Variants in GRID2 observed in about 807,000 individuals in gnomAD.
The protein encoded by GRID2 is glutamate ionotropic receptor delta type subunit 2, also known as glutamate receptor ionotropic, delta-2.
In GRID2, 33 loss-of-function variants were observed where a neutral mutation model predicts 114.8. The observed-to-expected ratio is 0.29, with a 90% confidence interval of 0.22 to 0.38. The LOEUF is 0.38. Ranked by LOEUF, GRID2 falls within the 10% of genes least tolerant of loss-of-function variation. The probability of loss-of-function intolerance (pLI) is 1.00; values close to 1 mark genes in which losing one functional copy is unlikely to be tolerated. For synonymous variants in GRID2, 505 were observed against 449.9 expected (o/e 1.12, Z -1.55); for missense variants, 1,184 against 1,257.7 (o/e 0.94, Z 0.89).
chr4:92,825,766 C>T, intron 2 of GRID2, among the ~76,000 whole-genome samples: 1 of 152,170 alleles, frequency 6.6e-6, no homozygotes, highest in East Asian at 1.9e-4. Flanking sequence ...CATATGCAGG[C>T]CTGAAGGAAT....
chr4:92,708,835 A>G (rs1735074482), intron 2 of GRID2, among the ~76,000 whole-genome samples: 1 of 152,118 alleles, frequency 6.6e-6, no homozygotes, highest in Admixed American at 6.5e-5. Context: ...CTGACACAGG[A>G]GTATCCAGGC....
chr4:93,805,797 A>C (rs1187422129), intron 1 of GRID2, among the ~76,000 whole-genome samples: 1 of 152,208 alleles, frequency 6.6e-6, no homozygotes, highest in Non-Finnish European at 1.5e-5. Flanking sequence ...GAAGTTTCTT[A>C]TTTAAGAGCA....
At chr4:93,465,351 TC>T (rs1660545034) in intron 11 of GRID2, among the ~76,000 whole-genome samples, 1 of 152,250 alleles carries the variant, frequency 6.6e-6, no homozygotes, top group Admixed American at 6.5e-5. Flanking sequence ...TTTAAAATTT[TC>T]TTTTATCTAT....
intron 11 of GRID2, among the ~76,000 whole-genome samples, chr4:93,460,744 AAGCATGGAGGTT>A (rs1449384891): frequency 6.6e-6 from 1 of 152,166 alleles, no homozygotes; most frequent in Non-Finnish European, 1.5e-5. Flanking sequence ...TAACTAAATA[AAGCATGGAGGTT>A]AGCTGCAATA....
chr4:93,431,922 A>G (rs1054957150), intron 10 of GRID2, among the ~76,000 whole-genome samples: 7 of 152,362 alleles, frequency 4.6e-5, no homozygotes, highest in Admixed American at 2.0e-4. Context: ...TTACTTTGAT[A>G]CTGAATATAA....
chr4:92,649,244 C>T (rs1033977165), intron 2 of GRID2, among the ~76,000 whole-genome samples: 26 of 146,632 alleles, frequency 1.8e-4, no homozygotes, highest in Non-Finnish European at 3.0e-5. Context: ...GAATTCCCAC[C>T]AGTTTACCAT....
At position 93,306,478 on chromosome 4, in the gene GRID2, T is replaced by G. The variant is rs76482340; in HGVS notation, c.1245+67988T>G. Among the ~76,000 whole-genome samples the G allele has an allele frequency of 3.7e-3, 566 of 152,252 alleles. 3 individuals are homozygous for G. The highest frequency in any genetic ancestry group is 0.013 in the African/African-American group (534 of 41,556). On this transcript the variant is annotated intron_variant, in intron 8 of 15. Transcript: ENST00000282020. ...AAGAAAATTAGATATTTTCCTAAAG[T>G]GCTATTAGCAAGAAAAGGTAACCAA...
chr4:93,037,974 T>A (rs1725081394), intron 2 of GRID2, among the ~76,000 whole-genome samples: 2 of 152,160 alleles, frequency 1.3e-5, no homozygotes. Flanking sequence ...TTTAAAGTAG[T>A]TTGTTTCCAA....
chr4:92,844,903 A>T (rs1743194130), intron 2 of GRID2, among the ~76,000 whole-genome samples: 8 of 152,022 alleles, frequency 5.3e-5, no homozygotes, highest in Admixed American at 5.2e-4. Context: ...TAATAAGGAC[A>T]TTCTTAATGA....
At chr4:93,174,387 G>A (rs548621668) in intron 4 of GRID2, among the ~76,000 whole-genome samples, 1 of 152,190 alleles carries the variant, frequency 6.6e-6, no homozygotes, top group Non-Finnish European at 1.5e-5. Context: ...TTTTGAGACT[G>A]GCTTTTTTTC....
chr4:92,845,259 G>A (rs544235841), intron 2 of GRID2, among the ~76,000 whole-genome samples: 1 of 152,074 alleles, frequency 6.6e-6, no homozygotes, highest in South Asian at 2.1e-4. Flanking sequence ...TTATTTTTTG[G>A]TTTGTTTTTG....
chr4:93,733,604 A>G (rs924657647), intron 14 of GRID2, among the ~76,000 whole-genome samples: 7 of 152,058 alleles, frequency 4.6e-5, no homozygotes, highest in African/African-American at 1.7e-4. Context: ...CTGTCTATAA[A>G]TACCTACCCA....
chr4:92,607,318 C>T (rs1432569674), intron 2 of GRID2, among the ~76,000 whole-genome samples: 1 of 151,866 alleles, frequency 6.6e-6, no homozygotes, highest in Non-Finnish European at 1.5e-5. Context: ...TCTTTTAAGC[C>T]TCTACTTTGG....
intron 2 of GRID2, among the ~76,000 whole-genome samples, chr4:92,617,931 G>T (rs182038065): frequency 6.6e-6 from 1 of 151,492 alleles, no homozygotes; most frequent in Admixed American, 6.6e-5. Context: ...TGTTGAATGA[G>T]TAGTGTGCAA....
At chr4:93,598,161 G>A (rs941897387) in intron 13 of GRID2, among the ~76,000 whole-genome samples, 1 of 152,152 alleles carries the variant, frequency 6.6e-6, no homozygotes, top group Non-Finnish European at 1.5e-5. Flanking sequence ...CTAATAAGAG[G>A]AATGTCAGAT....
At chr4:92,946,272 C>A (rs1412995700) in intron 2 of GRID2, among the ~76,000 whole-genome samples, 1 of 152,012 alleles carries the variant, frequency 6.6e-6, no homozygotes, top group Admixed American at 6.6e-5. Context: ...AGTTATTTGA[C>A]TACTTTGTTT....
At chr4:92,820,206 C>G (rs1246276594) in intron 2 of GRID2, among the ~76,000 whole-genome samples, 1 of 152,100 alleles carries the variant, frequency 6.6e-6, no homozygotes, top group Non-Finnish European at 1.5e-5. Flanking sequence ...AAGAATCCTT[C>G]CCTTCTAACT....
chr4:92,513,193 C>T (rs143062737), intron 1 of GRID2, among the ~76,000 whole-genome samples: 4 of 151,936 alleles, frequency 2.6e-5, no homozygotes, highest in Non-Finnish European at 5.9e-5. Flanking sequence ...TAACCTATTG[C>T]CCCTATCTTA....
chr4:92,537,539 G>C (rs1725704771), intron 1 of GRID2, among the ~76,000 whole-genome samples: 2 of 151,990 alleles, frequency 1.3e-5, no homozygotes, highest in Admixed American at 1.3e-4. Flanking sequence ...GAAAGTATTT[G>C]GATTTCAAAG....
Sources: gnomAD v4.1 joint callset for allele counts (sites outside exome capture counted in the v4.1 genomes callset) on GRCh38, gnomAD v4.1.1 for gene constraint, MANE v1.5 for transcripts, NCBI Gene and HGNC (gene_info 2026-07-23, HGNC 2026-07-21) for gene names.